MPP7: variants seen among roughly 807,000 people sequenced by gnomAD.
MPP7 encodes the protein MAGUK p55 scaffold protein 7, also known as MAGUK p55 subfamily member 7.
A neutral mutation model predicts 76.5 loss-of-function variants in MPP7; 60 were observed. The ratio of observed to expected loss-of-function variants is 0.78; its 90% CI spans 0.64 to 0.97. The LOEUF (loss-of-function observed/expected upper bound fraction) is 0.97. Among genes scored for constraint, MPP7 ranks in the 50% least tolerant of loss-of-function variants. MPP7 has a pLI of 0.00. For synonymous variants in MPP7, 237 were observed against 244.5 expected, an observed-to-expected ratio of 0.97 and a Z score of 0.29; for missense variants, 641 against 694.0, an observed-to-expected ratio of 0.92 and a Z score of 0.86.
intron 2 of MPP7, among the ~76,000 whole-genome samples, chr10:28,209,142 G>A (rs745706282): frequency 3.3e-5 from 5 of 152,206 alleles, no homozygotes; most frequent in East Asian, 1.9e-4. Flanking sequence ...CTGCAGAGCC[G>A]TGAGCCAATT....
chr10:28,122,883 T>C (rs1158889747), intron 8 of MPP7, among the ~76,000 whole-genome samples: 1 of 152,150 alleles, frequency 6.6e-6, no homozygotes, highest in Non-Finnish European at 1.5e-5. Flanking sequence ...TATTTTTCTA[T>C]TTGACTTTCA....
chr10:28,255,166 T>G (rs1839744648), intron 1 of MPP7, among the ~76,000 whole-genome samples: 1 of 151,932 alleles, frequency 6.6e-6, no homozygotes, highest in Non-Finnish European at 1.5e-5. Flanking sequence ...CAGGCTGGAG[T>G]GTAATGGTGC....
At chr10:28,067,901 T>C (rs1852056335) in intron 13 of MPP7, among the ~76,000 whole-genome samples, 1 of 152,136 alleles carries the variant, frequency 6.6e-6, no homozygotes, top group Non-Finnish European at 1.5e-5. Context: ...CAAGTGCACC[T>C]ATCATCTATG....
chr10:28,271,097 C>A (rs375379309), intron 1 of MPP7, among the ~76,000 whole-genome samples: 1 of 151,954 alleles, frequency 6.6e-6, no homozygotes, highest in African/African-American at 2.4e-5. Context: ...GTGCATAATT[C>A]GAAACAATAC....
At chr10:28,322,932 T>C (rs1395702299) in intron 2 of MPP7, among the ~76,000 whole-genome samples, 4 of 152,088 alleles carry the variant, frequency 2.6e-5, no homozygotes, top group African/African-American at 9.7e-5. Flanking sequence ...GACAGGCAGA[T>C]TGCTTGAGCC....
rs374692927 is a variant in MPP7 at position 28,119,616 on chromosome 10, G to A, written c.952+35C>T. The A allele has an allele frequency of 2.0e-4, 318 of 1,560,448 alleles. 1 individual carries two copies. In the Middle Eastern group the frequency reaches 2.2e-3, roughly 11 times the overall value. On this transcript the variant is annotated intron_variant, in intron 11 of 16. Coordinates refer to ENST00000683449, the MANE Select transcript of MPP7 (RefSeq NM_001318170.2). ...TTAATAGTCAAAAATAAACATCAGGGTTTGGTTTCTCTGCATTCTTATTAA... is the reference window on the plus strand; with the variant it reads ...TTAATAGTCAAAAATAAACATCAGGATTTGGTTTCTCTGCATTCTTATTAA...
intron 7 of MPP7, 44 bp from the exon 8 acceptor site, chr10:28,124,160 C>T (rs1207099124): frequency 6.2e-6 from 8 of 1,280,402 alleles, no homozygotes; most frequent in African/African-American, 2.9e-5. Context: ...TTACCCACAA[C>T]CAAAACTGTA....
At chr10:28,192,701 A>G (rs1837448650) in intron 3 of MPP7, among the ~76,000 whole-genome samples, 1 of 152,208 alleles carries the variant, frequency 6.6e-6, no homozygotes, top group Non-Finnish European at 1.5e-5. Context: ...ATCTCTTCAC[A>G]AATGGAGCCA....
intron 1 of MPP7, among the ~76,000 whole-genome samples, chr10:28,244,349 T>C (rs1013082824): frequency 6.6e-6 from 1 of 152,196 alleles, no homozygotes; most frequent in Non-Finnish European, 1.5e-5. Context: ...TTCTTAATCA[T>C]AAACAAAATT....
chr10:28,139,632 C>T (rs925997599), intron 5 of MPP7, among the ~76,000 whole-genome samples: 4 of 151,986 alleles, frequency 2.6e-5, no homozygotes, highest in African/African-American at 9.7e-5. Context: ...AATATTAGTA[C>T]CTACTTAATA....
At position 28,303,009 on chromosome 10, in the gene MPP7, A is replaced by T. The variant is rs952514358; in HGVS notation, c.-280T>A. Among the ~76,000 whole-genome samples the T allele has an allele frequency of 1.8e-3, 265 of 150,028 alleles. 1 individual carries two copies. The highest frequency in any genetic ancestry group is 6.1e-3 in the African/African-American group (254 of 41,374). On this transcript the variant is annotated 5_prime_UTR_variant, in exon 1 of 17. Transcript: ENST00000683449. ...CTCGGCACCGCCGCGGCGGGCGCAG[A>T]ACGCACGAGCCCAGTGGGAGCCCGG...
At chr10:28,132,148 T>C (rs952367347) in intron 5 of MPP7, among the ~76,000 whole-genome samples, 2 of 152,168 alleles carry the variant, frequency 1.3e-5, no homozygotes, top group South Asian at 2.1e-4. Flanking sequence ...TAGCAGAAAA[T>C]ACAATGATGA....
chr10:28,202,495 C>G (rs1209398156), intron 2 of MPP7, among the ~76,000 whole-genome samples: 1 of 152,130 alleles, frequency 6.6e-6, no homozygotes, highest in African/African-American at 2.4e-5. Context: ...TCACAGTTGT[C>G]AACATTCTAC....
chr10:28,099,314 G>T (rs929236276), intron 11 of MPP7, among the ~76,000 whole-genome samples: 1 of 152,142 alleles, frequency 6.6e-6, no homozygotes, highest in Admixed American at 6.5e-5. Context: ...TTTCAAATGG[G>T]ACAGTTTAGA....
intron 11 of MPP7, among the ~76,000 whole-genome samples, chr10:28,112,192 A>G (rs1564636070): frequency 6.6e-6 from 1 of 152,210 alleles, no homozygotes; most frequent in Non-Finnish European, 1.5e-5. Context: ...CGGTTAGAAA[A>G]CAAGAAATAA....
At chr10:28,218,740 A>C (rs910631510) in intron 2 of MPP7, among the ~76,000 whole-genome samples, 7 of 152,350 alleles carry the variant, frequency 4.6e-5, no homozygotes, top group Admixed American at 6.5e-5. Context: ...ATAAAATAGA[A>C]GTTTCTGTTG....
At chr10:28,330,939 G>C (rs551287242) in intron 1 of MPP7, among the ~76,000 whole-genome samples, 127 of 152,214 alleles carry the variant, frequency 8.3e-4, no homozygotes, top group Non-Finnish European at 1.3e-3. Flanking sequence ...AGTATTACAG[G>C]TGTTAGCCAC....
Position 28,067,015 on chromosome 10 carries a change from G to C in MPP7, c.1204+2757C>G, listed in dbSNP as rs537285084. Among the ~76,000 whole-genome samples the C allele has an allele frequency of 4.6e-5, 7 of 152,252 alleles. No homozygotes were observed. In the South Asian group the frequency reaches 8.3e-4, roughly 18 times the overall value. On this transcript the variant is annotated intron_variant, in intron 13 of 16. Coordinates refer to ENST00000683449, the MANE Select transcript of MPP7 (RefSeq NM_001318170.2). ...ATAATGACTAAGAATAGCTCAGTAC[G>C]TGTCTTTTGGTGAACGTACTTATGC... is the stretch of plus-strand genomic sequence containing the variant.
intron 11 of MPP7, among the ~76,000 whole-genome samples, chr10:28,099,538 C>T (rs1383577789): frequency 6.6e-6 from 1 of 152,158 alleles, no homozygotes; most frequent in Non-Finnish European, 1.5e-5. Context: ...GGTGTGGTGG[C>T]TCACGCCTGT....
Sources: allele counts gnomAD v4.1 joint callset (sites outside exome capture counted in the v4.1 genomes callset), GRCh38; gene constraint gnomAD v4.1.1; transcripts MANE v1.5; gene names NCBI Gene and HGNC (gene_info 2026-07-23, HGNC 2026-07-21).